ASB18: variants seen among roughly 807,000 people sequenced by gnomAD.
The protein encoded by ASB18 is ankyrin repeat and SOCS box containing 18.
Under a neutral mutation model 33.4 loss-of-function variants are expected in ASB18, and 33 were observed. The observed-to-expected ratio is 0.99, with a 90% CI of 0.75 to 1.32. The LOEUF (loss-of-function observed/expected upper bound fraction) is 1.32, where lower values mean the gene tolerates loss of function less well. Ranked by LOEUF, ASB18 falls within the 40% of genes most tolerant of loss-of-function variation. The pLI is 0.00. For synonymous variants in ASB18, 295 were observed against 307.6 expected (o/e 0.96, Z 0.43); for missense variants, 694 against 655.5 (o/e 1.06, Z -0.64).
chr2:236,228,793 G>T lies in ASB18; in HGVS notation c.596+8896C>A, dbSNP rs968789088. Reference sequence around the variant, plus strand: ...AAAAATTAACCTTAGACTAACCACCGATTGACTTCTGATTAATAAAGCTTA... The same window carrying T: ...AAAAATTAACCTTAGACTAACCACCTATTGACTTCTGATTAATAAAGCTTA... On this transcript the variant is annotated intron_variant, in intron 3 of 5. Coordinates refer to ENST00000409749, the MANE Select transcript of ASB18 (RefSeq NM_212556.4). This position sits in a 1 kb window ranked among gnomAD's most constrained non-coding sequence, Gnocchi z 5.1. 6.6e-6 allele frequency among the ~76,000 whole-genome samples: 1 copy of T among 152,150 alleles called. No individual in the cohort carries two copies. Among genetic ancestry groups the T allele is most frequent in the Non-Finnish European group, 1.5e-5 (1 of 68,048 alleles).
chr2:236,261,580 C>T (rs1403292244), intron 1 of ASB18, among the ~76,000 whole-genome samples: 1 of 152,230 alleles, frequency 6.6e-6, no homozygotes, highest in Non-Finnish European at 1.5e-5. Flanking sequence ...TGAATTGAAG[C>T]AACCTGGAAC....
rs1486061625 is a variant in ASB18 at position 236,238,931 on chromosome 2, A to C, written c.329-975T>G. 1.3e-5 allele frequency among the ~76,000 whole-genome samples: 2 copies of C among 152,280 alleles called. No individual in the cohort carries two copies. Among genetic ancestry groups the C allele is most frequent in the Admixed American group, 6.5e-5 (1 of 15,310 alleles). On this transcript the variant is annotated intron_variant, in intron 2 of 5. Transcript: ENST00000409749. This position sits in a 1 kb window ranked among gnomAD's most constrained non-coding sequence, Gnocchi z 5.2. ...GAGCAGCCTTGAAAGTCCATTCATTAATTACCTACCCGCATGTGGTGCCGA... is the reference window on the plus strand; with the variant it reads ...GAGCAGCCTTGAAAGTCCATTCATTCATTACCTACCCGCATGTGGTGCCGA...
In ASB18 at chr2:236,229,829, A is replaced by G. The variant is rs2060556386; in HGVS notation, c.596+7860T>C. Among the ~76,000 whole-genome samples the G allele has an allele frequency of 6.6e-6, 1 of 152,186 alleles. No individual in the cohort carries two copies. The highest frequency in any genetic ancestry group is 2.4e-5 in the African/African-American group (1 of 41,434). On this transcript the variant is annotated intron_variant, in intron 3 of 5. Transcript: ENST00000409749. This position sits in a 1 kb window ranked among gnomAD's most constrained non-coding sequence, Gnocchi z 5.2. ...GCACTCCAGCCTGGGCAACAGAGTG[A>G]GACACCATTTAATAATAATAATAAA...
Position 236,234,496 on chromosome 2 carries a change from T to C in ASB18, c.596+3193A>G, listed in dbSNP as rs561480759. ...ATTGTGAGGAGCCAACACCACTGGC[T>C]ACTCTTCCTTTCACTCTTTATATAA... On this transcript the variant is annotated intron_variant, in intron 3 of 5. Transcript: ENST00000409749. This position sits in a 1 kb window ranked among gnomAD's most constrained non-coding sequence, Gnocchi z 4.1. Among the ~76,000 whole-genome samples the C allele has an allele frequency of 6.6e-6, 1 of 152,214 alleles. No individual in the cohort carries two copies.
rs538951774 is a variant in ASB18 at position 236,217,181 on chromosome 2, G to A, written c.597-2315C>T. 1.3e-5 allele frequency among the ~76,000 whole-genome samples: 2 copies of A among 152,292 alleles called. No homozygotes were observed. Among genetic ancestry groups the A allele is most frequent in the African/African-American group, 2.4e-5 (1 of 41,570 alleles). ...CCAGCACTTTGGGAGTCTGAGGTGA[G>A]TGGATCACCTGAGGTCAGGAGTTTG... On this transcript the variant is annotated intron_variant, in intron 3 of 5. Coordinates refer to ENST00000409749, the MANE Select transcript of ASB18 (RefSeq NM_212556.4). This position sits in a 1 kb window ranked among gnomAD's most constrained non-coding sequence, Gnocchi z 5.2.
rs1222948732 is a variant in ASB18 at position 236,259,381 on chromosome 2, G to A, written c.205+4760C>T. The A allele has an allele frequency of 7.7e-6, 3 of 391,166 alleles. No homozygotes were observed. The highest frequency in any genetic ancestry group is 1.5e-4 in the East Asian group (2 of 13,522). 24.2% of individuals were successfully genotyped at this position (391,166 alleles called of 1,614,324 possible). ...CTCTGGATATAATCGAGTGTTAGGCGAGGTTCTGGCCCTAGAAGAGGTGGC... is the reference window on the plus strand; with the variant it reads ...CTCTGGATATAATCGAGTGTTAGGCAAGGTTCTGGCCCTAGAAGAGGTGGC... On this transcript the variant is annotated intron_variant, in intron 1 of 5. Coordinates refer to ENST00000409749, the MANE Select transcript of ASB18 (RefSeq NM_212556.4). The surrounding 1 kb of genome is among the most constrained non-coding windows in gnomAD (Gnocchi z 4.4).
At chr2:236,212,388 CT>C (rs2060462740) in intron 4 of ASB18, among the ~76,000 whole-genome samples, 1 of 152,118 alleles carries the variant, frequency 6.6e-6, no homozygotes, top group African/African-American at 2.4e-5. Flanking sequence ...GGTCCTGTTC[CT>C]AGAAATGATG....
At position 236,214,653 on chromosome 2, in the gene ASB18, C is replaced by T; in HGVS notation, c.810G>A (p.Gly270=). ...GCAGCGCGCACAGGCGCAGGCAGCG[C>T]CCGTGCTCGTCGGGCCTCCGCGCCG... ...CGAARRPDEH[G]RCLRLCALLL... is the part of the protein sequence containing the mutation. The change falls in exon 4 of 6, where the codon GGG becomes GGA. Residue 270 remains glycine, a synonymous_variant. Transcript: ENST00000409749. This position sits in a 1 kb window ranked among gnomAD's most constrained non-coding sequence, Gnocchi z 6.5. 6.1e-6 allele frequency: 7 copies of T among 1,156,908 alleles called. No homozygotes were observed. The highest frequency in any genetic ancestry group is 7.4e-6 in the Non-Finnish European group (7 of 941,464). 71.7% of individuals were successfully genotyped at this position (1,156,908 alleles called of 1,614,324 possible). A position where few individuals can be genotyped will look rare whatever the true frequency, so the allele number is the denominator to read the frequency against.
chr2:236,251,997 A>G lies in ASB18; in HGVS notation c.206-10595T>C, dbSNP rs2060670781. 6.6e-6 allele frequency among the ~76,000 whole-genome samples: 1 copy of G among 152,156 alleles called. No individual in the cohort carries two copies. Among genetic ancestry groups the G allele is most frequent in the South Asian group, 2.1e-4 (1 of 4,826 alleles). On this transcript the variant is annotated intron_variant, in intron 1 of 5. Coordinates refer to ENST00000409749, the MANE Select transcript of ASB18 (RefSeq NM_212556.4). The surrounding 1 kb of genome is among the most constrained non-coding windows in gnomAD (Gnocchi z 5.3). ...ATAAATAGTAGAAATCTGGCCGGGC[A>G]TGGTGGCTCATGCCTGTAATCCCAG...
In ASB18 at chr2:236,239,946, G is replaced by C. The variant is rs373050891; in HGVS notation, c.328+1334C>G. 3.3e-5 allele frequency among the ~76,000 whole-genome samples: 5 copies of C among 152,334 alleles called. No homozygotes were observed. The East Asian group carries it at 7.7e-4, about 24-fold the overall frequency. ...TGGAGGCCTTGGGCCACTACTCACT[G>C]TCCGGGCTGCCGTTTCCTCAGTACC... is the stretch of plus-strand genomic sequence containing the variant. On this transcript the variant is annotated intron_variant, in intron 2 of 5. Transcript: ENST00000409749. The surrounding 1 kb of genome is among the most constrained non-coding windows in gnomAD (Gnocchi z 5.6).
chr2:236,237,846 C>A lies in ASB18; in HGVS notation c.439G>T (p.Asp147Tyr), dbSNP rs1258776255. The A allele has an allele frequency of 1.1e-4, 160 of 1,411,442 alleles. No individual in the cohort carries two copies. The highest frequency in any genetic ancestry group is 4.8e-4 in the Middle Eastern group (2 of 4,174). The allele number at this position is 1,411,442 out of a possible 1,614,324, so 87.4% of individuals were successfully genotyped here. A position where few individuals can be genotyped will look rare whatever the true frequency, so the allele number is the denominator to read the frequency against. The change falls in exon 3 of 6, where the codon GAC (aspartate) becomes TAC (tyrosine). Residue 147 changes from aspartate (D) to tyrosine (Y), a missense_variant. By Grantham distance (160) the Asp-to-Tyr change is radical. Transcript: ENST00000409749. This position sits in a 1 kb window ranked among gnomAD's most constrained non-coding sequence, Gnocchi z 6.2. ...RHLLGRGADPDASPGGRGALH... is the reference protein window; with the variant it reads ...RHLLGRGADPYASPGGRGALH... ...GCGCCGCGGCCGCCGGGGCTGGCGT[C>A]TGGGTCTGCGCCGCGGCCGAGCAGG...
rs2060475112 is a variant in ASB18 at position 236,214,455 on chromosome 2, G to A, written c.1008C>T (p.Thr336=). The A allele has an allele frequency of 2.6e-6, 4 of 1,532,756 alleles. No homozygotes were observed. Among genetic ancestry groups the A allele is most frequent in the African/African-American group, 1.4e-5 (1 of 71,200 alleles). The allele number at this position is 1,532,756 out of a possible 1,614,324, so 94.9% of individuals were successfully genotyped here. The change falls in exon 4 of 6, where the codon ACC becomes ACT. Residue 336 remains threonine (T), a synonymous_variant. Transcript: ENST00000409749. The surrounding 1 kb of genome is among the most constrained non-coding windows in gnomAD (Gnocchi z 6.5). Reference sequence around the variant, plus strand: ...GTGAGGCCTGGAGAGCGCAGGATGCGGTCTGGAGCACGCGGCCCAGCGGCG... The same window carrying A: ...GTGAGGCCTGGAGAGCGCAGGATGCAGTCTGGAGCACGCGGCCCAGCGGCG... The part of the protein sequence containing the change: ...GASPLGRVLQ[T]ASCALQASPQ...
chr2:236,214,310 C>G lies in ASB18; in HGVS notation c.1101+52G>C. ...TGCAACCCAGCTCCCAGGCCGGTCA[C>G]TAAGTGGCAAAACTCCAGGGCACGT... On this transcript the variant is annotated intron_variant, in intron 4 of 5. Coordinates refer to ENST00000409749, the MANE Select transcript of ASB18 (RefSeq NM_212556.4). The surrounding 1 kb of genome is among the most constrained non-coding windows in gnomAD (Gnocchi z 6.5). 6.5e-7 allele frequency: 1 copy of G among 1,532,586 alleles called. No homozygotes were observed. Among genetic ancestry groups the G allele is most frequent in the South Asian group, 1.2e-5 (1 of 83,084 alleles). 94.9% of individuals were successfully genotyped at this position (1,532,586 alleles called of 1,614,324 possible). A position where few individuals can be genotyped will look rare whatever the true frequency, so the allele number is the denominator to read the frequency against.
Position 236,214,450 on chromosome 2 carries a change from G to A in ASB18, c.1013C>T (p.Ser338Phe), listed in dbSNP as rs751717266. The A allele has an allele frequency of 3.9e-6, 6 of 1,537,778 alleles. No individual in the cohort carries two copies. Among genetic ancestry groups the A allele is most frequent in the Non-Finnish European group, 3.5e-6 (4 of 1,148,930 alleles). ...CTGCGGTGAGGCCTGGAGAGCGCAG[G>A]ATGCGGTCTGGAGCACGCGGCCCAG... ...SPLGRVLQTA[S>F]CALQASPQRT... The change falls in exon 4 of 6, where the codon TCC becomes TTC. Residue 338 changes from serine (S) to phenylalanine (F), a missense_variant. Ser to Phe is a radical substitution (Grantham distance 155). Transcript: ENST00000409749. The surrounding 1 kb of genome is among the most constrained non-coding windows in gnomAD (Gnocchi z 6.5).
rs933379990 is a variant in ASB18, at chr2:236,239,623, C to T, written c.328+1657G>A. 3.3e-5 allele frequency among the ~76,000 whole-genome samples: 5 copies of T among 152,212 alleles called. No individual in the cohort carries two copies. The highest frequency in any genetic ancestry group is 1.2e-4 in the African/African-American group (5 of 41,456). ...GTGTCCCTCTAAGCATCAGCTCCCC[C>T]ATGTCAGTGCTCTCTATGACTGTGG... is the stretch of plus-strand genomic sequence containing the variant. On this transcript the variant is annotated intron_variant, in intron 2 of 5. Transcript: ENST00000409749. This position sits in a 1 kb window ranked among gnomAD's most constrained non-coding sequence, Gnocchi z 5.6.
rs967600017 is a variant in ASB18 at position 236,251,996 on chromosome 2, C to A, written c.206-10594G>T. On this transcript the variant is annotated intron_variant, in intron 1 of 5. Transcript: ENST00000409749. The surrounding 1 kb of genome is among the most constrained non-coding windows in gnomAD (Gnocchi z 5.3). Reference sequence around the variant, plus strand: ...AATAAATAGTAGAAATCTGGCCGGGCATGGTGGCTCATGCCTGTAATCCCA... The same window carrying A: ...AATAAATAGTAGAAATCTGGCCGGGAATGGTGGCTCATGCCTGTAATCCCA... 2.6e-5 allele frequency among the ~76,000 whole-genome samples: 4 copies of A among 152,104 alleles called. No individual in the cohort carries two copies. Among genetic ancestry groups the A allele is most frequent in the Non-Finnish European group, 5.9e-5 (4 of 68,016 alleles).
rs2060564086 is a variant in ASB18, at chr2:236,231,414, C to T, written c.596+6275G>A. Among the ~76,000 whole-genome samples, 1 of 152,122 alleles carries T rather than the reference C, an allele frequency of 6.6e-6. No individual in the cohort carries two copies. The highest frequency in any genetic ancestry group is 2.4e-5 in the African/African-American group (1 of 41,434). Reference sequence around the variant, plus strand: ...TGGGATTAGTGCCCTTATAAAAGGGCTTGAGGGATTAAATTTGCCTCTTCC... The same window carrying T: ...TGGGATTAGTGCCCTTATAAAAGGGTTTGAGGGATTAAATTTGCCTCTTCC... On this transcript the variant is annotated intron_variant, in intron 3 of 5. Coordinates refer to ENST00000409749, the MANE Select transcript of ASB18 (RefSeq NM_212556.4). The surrounding 1 kb of genome is among the most constrained non-coding windows in gnomAD (Gnocchi z 5.5).
intron 4 of ASB18, among the ~76,000 whole-genome samples, chr2:236,199,420 A>G (rs1051830684): frequency 1.0e-5 from 1 of 96,862 alleles, no homozygotes; most frequent in Non-Finnish European, 2.0e-5. Flanking sequence ...TCAAAAAAAA[A>G]AAAAAAAAGA....
chr2:236,203,316 GA>G lies in ASB18; in HGVS notation c.1102-6932del, dbSNP rs1559327208. On this transcript the variant is annotated intron_variant, in intron 4 of 5. Transcript: ENST00000409749. This position sits in a 1 kb window ranked among gnomAD's most constrained non-coding sequence, Gnocchi z 6.0. Reference sequence around the variant, plus strand: ...GCTCTGGAGCAGGAGTTAGCAGGGGGAAAAAAAGGCATGGAGAGTTCTGGGG... The same window carrying G: ...GCTCTGGAGCAGGAGTTAGCAGGGGGAAAAAAGGCATGGAGAGTTCTGGGG... 6.6e-6 allele frequency among the ~76,000 whole-genome samples: 1 copy of G among 152,146 alleles called. No individual in the cohort carries two copies. The highest frequency in any genetic ancestry group is 2.4e-5 in the African/African-American group (1 of 41,516).
Sources: allele counts gnomAD v4.1 joint callset (sites outside exome capture counted in the v4.1 genomes callset), GRCh38; gene constraint gnomAD v4.1.1; non-coding constraint Gnocchi (gnomAD v3.1); transcripts MANE v1.5; gene names NCBI Gene and HGNC (gene_info 2026-07-23, HGNC 2026-07-21).